IMPG2: variants seen among roughly 807,000 people sequenced by gnomAD.
IMPG2 encodes the protein interphotoreceptor matrix proteoglycan 2.
In IMPG2, 91 loss-of-function variants were observed where a neutral mutation model predicts 129.2. The observed-to-expected ratio is 0.70, with a 90% CI of 0.59 to 0.84. The LOEUF (loss-of-function observed/expected upper bound fraction) is 0.84, where lower values mean the gene tolerates loss of function less well. IMPG2 is among the 40% of genes least tolerant of loss of function. The probability of loss-of-function intolerance (pLI) is 0.00; values close to 1 mark genes in which losing one functional copy is unlikely to be tolerated. For missense variants in IMPG2, 1,430 were observed against 1,461.7 expected (o/e 0.98, Z 0.35); for synonymous variants, 510 against 517.7 (o/e 0.99, Z 0.20).
intron 4 of IMPG2, among the ~76,000 whole-genome samples, chr3:101,290,150 C>T (rs1706989897): frequency 6.6e-6 from 1 of 151,968 alleles, no homozygotes; most frequent in African/African-American, 2.4e-5. Flanking sequence ...TTTACAGATC[C>T]ACTGTCTGTT....
rs561381397 is a variant in IMPG2 at position 101,273,440 on chromosome 3, G to A, written c.828+141C>T. 8 of 807,336 alleles carry A rather than the reference G, an allele frequency of 9.9e-6. No individual in the cohort carries two copies. The Admixed American group carries it at 2.2e-4, about 22-fold the overall frequency. The allele number at this position is 807,336 out of a possible 1,614,324, so 50.0% of individuals were successfully genotyped here. A position where few individuals can be genotyped will look rare whatever the true frequency, so the allele number is the denominator to read the frequency against. ...CCTATGACTTTTCACAGAGTTTTCT[G>A]AAGAAATGGCTAAGTAACCACTCCA... On this transcript the variant is annotated intron_variant, in intron 7 of 18. Transcript: ENST00000193391.
rs1483957373 is a variant in IMPG2 at position 101,225,812 on chromosome 3, C to T, written c.*1157G>A. The T allele has an allele frequency of 6.6e-6, 1 of 152,032 alleles. No individual in the cohort carries two copies. The highest frequency in any genetic ancestry group is 1.5e-5 in the Non-Finnish European group (1 of 68,026). 9.4% of individuals were successfully genotyped at this position (152,032 alleles called of 1,614,324 possible). A position where few individuals can be genotyped will look rare whatever the true frequency, so the allele number is the denominator to read the frequency against. On this transcript the variant is annotated 3_prime_UTR_variant, in exon 19 of 19. Coordinates refer to ENST00000193391, the MANE Select transcript of IMPG2 (RefSeq NM_016247.4). The stretch of plus-strand genomic sequence containing the variant: ...TCCAAAGCAACCCATTCAAAAAAAA[C>T]ACTAGGGGGAAAGAGGAAAATTTCC...
chr3:101,312,382 A>G (rs2107143448), intron 2 of IMPG2, among the ~76,000 whole-genome samples: 1 of 152,288 alleles, frequency 6.6e-6, no homozygotes, highest in Non-Finnish European at 1.5e-5. Flanking sequence ...GACATTTTCA[A>G]AGGAAGATAT....
intron 15 of IMPG2, 98 bp downstream of exon 15, chr3:101,232,683 A>C (rs1706302289): frequency 3.0e-6 from 3 of 985,486 alleles, no homozygotes; most frequent in Middle Eastern, 3.0e-4. Context: ...TCTATAATGC[A>C]TACTATAATA....
At chr3:101,229,322 T>TCCCCC in intron 17 of IMPG2, 58 bp downstream of exon 17, 2 of 415,602 alleles carry the variant, frequency 4.8e-6, no homozygotes, top group South Asian at 2.1e-5. Context: ...CACCCCCTGC[T>TCCCCC]CCCCCACACA....
intron 10 of IMPG2, among the ~76,000 whole-genome samples, chr3:101,255,530 C>T (rs1037912625): frequency 9.9e-5 from 15 of 152,154 alleles, no homozygotes; most frequent in Non-Finnish European, 1.9e-4. Flanking sequence ...TCTCCTACCA[C>T]TCCAGTTACT....
Position 101,223,280 on chromosome 3 carries a change from A to C in IMPG2, c.*3689T>G, listed in dbSNP as rs1016326040. On this transcript the variant is annotated 3_prime_UTR_variant, in exon 19 of 19. Coordinates refer to ENST00000193391, the MANE Select transcript of IMPG2 (RefSeq NM_016247.4). Reference sequence around the variant, plus strand: ...ACTGCAGCTGGATTGTAAATGAGGAAGGCTGGCCCCACCCATTCCTACTGG... The same window carrying C: ...ACTGCAGCTGGATTGTAAATGAGGACGGCTGGCCCCACCCATTCCTACTGG... The C allele has an allele frequency of 1.3e-5, 2 of 152,246 alleles. No homozygotes were observed. Among genetic ancestry groups the C allele is most frequent in the African/African-American group, 4.8e-5 (2 of 41,470 alleles). The allele number at this position is 152,246 out of a possible 1,614,324, so 9.4% of individuals were successfully genotyped here.
chr3:101,241,467 G>T (rs1180332972), intron 14 of IMPG2, among the ~76,000 whole-genome samples: 1 of 152,156 alleles, frequency 6.6e-6, no homozygotes, highest in Non-Finnish European at 1.5e-5. Context: ...TGGATATCGG[G>T]GAAGAAGATG....
At chr3:101,309,885 A>G (rs907533352) in intron 2 of IMPG2, among the ~76,000 whole-genome samples, 6 of 152,248 alleles carry the variant, frequency 3.9e-5, no homozygotes, top group Non-Finnish European at 5.9e-5. Context: ...AACAACATGG[A>G]TGAATCTCAA....
intron 2 of IMPG2, among the ~76,000 whole-genome samples, chr3:101,316,558 A>G (rs1431089485): frequency 6.6e-6 from 1 of 152,126 alleles, no homozygotes; most frequent in African/African-American, 2.4e-5. Context: ...TAATACCACA[A>G]TAAGATATAC....
At chr3:101,287,416 A>G (rs913878211) in intron 4 of IMPG2, among the ~76,000 whole-genome samples, 7 of 152,216 alleles carry the variant, frequency 4.6e-5, no homozygotes, top group African/African-American at 1.7e-4. Context: ...GAACCAAAAA[A>G]GAGCCTGAAT....
At chr3:101,242,934 A>T (rs1356358967) in intron 13 of IMPG2, 27 bp from the exon 14 acceptor site, 2 of 1,579,426 alleles carry the variant, frequency 1.3e-6, no homozygotes, top group African/African-American at 2.7e-5. Flanking sequence ...TGGTAAGTTT[A>T]TTGACAGCGT....
At position 101,257,871 on chromosome 3, in the gene IMPG2, A is replaced by G. The variant is rs557719265; in HGVS notation, c.909-98T>C. 2.2e-5 allele frequency: 30 copies of G among 1,333,632 alleles called. No individual in the cohort carries two copies. The African/African-American group carries it at 4.2e-4, about 19-fold the overall frequency. The allele number at this position is 1,333,632 out of a possible 1,614,324, so 82.6% of individuals were successfully genotyped here. On this transcript the variant is annotated intron_variant, in intron 9 of 18. Transcript: ENST00000193391. ...GAACAAACATTGGACCTAGAGGGGGAGTCTCAAAGAGCATGGATTCCATCA... is the reference window on the plus strand; with the variant it reads ...GAACAAACATTGGACCTAGAGGGGGGGTCTCAAAGAGCATGGATTCCATCA...
At position 101,245,837 on chromosome 3, in the gene IMPG2, T is replaced by G. The variant is rs753436830; in HGVS notation, c.1508A>C (p.Glu503Ala). ...VLQTGLPVAS[E>A]ERTSGSHLVE... Reference sequence around the variant, plus strand: ...CAAGTGAGATCCAGAAGTCCTTTCCTCAGAAGCCACAGGCAAGCCAGTCTG... The same window carrying G: ...CAAGTGAGATCCAGAAGTCCTTTCCGCAGAAGCCACAGGCAAGCCAGTCTG... The change falls in exon 12 of 19, where the codon GAG (glutamate) becomes GCG (alanine). Residue 503 changes from glutamate to alanine, a missense_variant. Physicochemically the swap from Glu to Ala is moderately radical, Grantham distance 107 (BLOSUM62 -1). Coordinates refer to ENST00000193391, the MANE Select transcript of IMPG2 (RefSeq NM_016247.4). 4 of 1,614,042 alleles carry G rather than the reference T, an allele frequency of 2.5e-6. No individual in the cohort carries two copies. The East Asian group carries it at 8.9e-5, about 36-fold the overall frequency.
At chr3:101,312,972 GGTCACATGTTTCTTTTT>G (rs1372706572) in intron 2 of IMPG2, among the ~76,000 whole-genome samples, 2 of 152,086 alleles carry the variant, frequency 1.3e-5, no homozygotes, top group East Asian at 3.9e-4. Context: ...ATAGCTAAAG[GGTCACATGTTTCTTTTT>G]GAGGTGATAA....
chr3:101,296,993 C>A (rs1361431231), intron 3 of IMPG2, among the ~76,000 whole-genome samples: 1 of 152,182 alleles, frequency 6.6e-6, no homozygotes, highest in African/African-American at 2.4e-5. Flanking sequence ...AGCTCTGCCT[C>A]CCAGGTTCAC....
intron 7 of IMPG2, among the ~76,000 whole-genome samples, chr3:101,270,312 G>A (rs993381972): frequency 1.1e-4 from 16 of 152,098 alleles, no homozygotes; most frequent in African/African-American, 3.6e-4. Context: ...CTGTAAGTGT[G>A]AAAGTGGCTG....
intron 11 of IMPG2, among the ~76,000 whole-genome samples, chr3:101,247,187 T>A (rs1379247355): frequency 1.3e-5 from 2 of 152,128 alleles, no homozygotes; most frequent in Admixed American, 1.3e-4. Context: ...CTATTCTGGA[T>A]TCTGAATAAC....
intron 9 of IMPG2, among the ~76,000 whole-genome samples, chr3:101,266,753 A>G (rs561322667): frequency 6.6e-6 from 1 of 152,192 alleles, no homozygotes; most frequent in Admixed American, 6.5e-5. Flanking sequence ...GGAACAAGAC[A>G]TGCAGACCTT....
Sources: allele counts gnomAD v4.1 joint callset (sites outside exome capture counted in the v4.1 genomes callset), GRCh38; gene constraint gnomAD v4.1.1; transcripts MANE v1.5; gene names NCBI Gene and HGNC (gene_info 2026-07-23, HGNC 2026-07-21).